CCHCR1: variants seen among roughly 807,000 people sequenced by gnomAD.
The protein encoded by CCHCR1 is HCR (a-helix coiled-coil rod homologue).
CCHCR1 carries 91 observed loss-of-function variants against 114.6 expected under a neutral mutation model. The observed-to-expected ratio is 0.79, with a 90% CI of 0.67 to 0.94. The LOEUF is 0.94. Among genes scored for constraint, CCHCR1 ranks in the 40% least tolerant of loss-of-function variants. CCHCR1 has a pLI of 0.00. For missense variants in CCHCR1, 899 were observed against 1,079.9 expected (o/e 0.83, Z 2.35); for synonymous variants, 379 against 428.5 (o/e 0.88, Z 1.43).
At position 31,151,608 on chromosome 6, in the gene CCHCR1, C is replaced by T. The variant is rs1359587097; in HGVS notation, c.802-486G>A. 6.6e-6 allele frequency among the ~76,000 whole-genome samples: 1 copy of T among 152,228 alleles called. No homozygotes were observed. The highest frequency in any genetic ancestry group is 1.5e-5 in the Non-Finnish European group (1 of 68,044). On this transcript the variant is annotated intron_variant, in intron 4 of 17. Coordinates refer to ENST00000396268, the MANE Select transcript of CCHCR1 (RefSeq NM_001105564.2). The surrounding 1 kb of genome is among the most constrained non-coding windows in gnomAD (Gnocchi z 4.1). ...TTGCTCCACAGACCCCAGGCGATAG[C>T]CCCTCCTCAGGGTGGCTTCACTGGG...
Position 31,154,354 on chromosome 6 carries a change from G to A in CCHCR1, c.801+142C>T, listed in dbSNP as rs919830143. On this transcript the variant is annotated intron_variant, in intron 4 of 17. Coordinates refer to ENST00000396268, the MANE Select transcript of CCHCR1 (RefSeq NM_001105564.2). This position sits in a 1 kb window ranked among gnomAD's most constrained non-coding sequence, Gnocchi z 4.1. ...CAAATTCTCCATCTTTCTAGGCCATGTGTGTTTATTTTCACCAAAGGTCTC... is the reference window on the plus strand; with the variant it reads ...CAAATTCTCCATCTTTCTAGGCCATATGTGTTTATTTTCACCAAAGGTCTC... The A allele has an allele frequency of 2.3e-5, 16 of 688,776 alleles. No individual in the cohort carries two copies. Among genetic ancestry groups the A allele is most frequent in the Non-Finnish European group, 3.5e-5 (14 of 399,648 alleles). The allele number at this position is 688,776 out of a possible 1,614,324, so 42.7% of individuals were successfully genotyped here.
rs144885162 is a variant in CCHCR1, at chr6:31,154,787, C to T, written c.510G>A (p.Leu170=). Reference sequence around the variant, plus strand: ...GCTGGCTCAGGGCCTGTGACCCCTCCAGCCCCCAGGACCTTCAAAGACAGG... The same window carrying T: ...GCTGGCTCAGGGCCTGTGACCCCTCTAGCCCCCAGGACCTTCAAAGACAGG... The part of the protein sequence containing the change: ...EPGRRGRSWG[L]EGSQALSQQA... Residue 170 remains leucine (L), a synonymous_variant, in exon 4 of 18, where the codon CTG becomes CTA. Coordinates refer to ENST00000396268, the MANE Select transcript of CCHCR1 (RefSeq NM_001105564.2). This position sits in a 1 kb window ranked among gnomAD's most constrained non-coding sequence, Gnocchi z 4.1. The T allele has an allele frequency of 6.2e-7, 1 of 1,603,238 alleles. No individual in the cohort carries two copies. Among genetic ancestry groups the T allele is most frequent in the Non-Finnish European group, 8.5e-7 (1 of 1,179,340 alleles).
intron 17 of CCHCR1, 52 bp downstream of exon 17, chr6:31,142,911 A>G (rs1689592638): frequency 6.4e-7 from 1 of 1,572,010 alleles, no homozygotes; most frequent in Non-Finnish European, 8.7e-7. Flanking sequence ...TGAAGAGGAG[A>G]TTCCTGAAGT....
rs980540511 is a variant in CCHCR1, at chr6:31,157,677, A to T, written c.-77T>A. 25 of 1,159,426 alleles carry T rather than the reference A, an allele frequency of 2.2e-5. No homozygotes were observed. The highest frequency in any genetic ancestry group is 3.1e-5 in the Non-Finnish European group (25 of 810,546). The allele number at this position is 1,159,426 out of a possible 1,614,324, so 71.8% of individuals were successfully genotyped here. On this transcript the variant is annotated 5_prime_UTR_variant, in exon 1 of 18. The change abolishes an upstream ATG in the 5' untranslated region. Coordinates refer to ENST00000396268, the MANE Select transcript of CCHCR1 (RefSeq NM_001105564.2). ...CAGGCAGAAAAGCCAGCGTCCTGAC[A>T]TCTTATTCAAATCTTTCCTGCGGCT...
At chr6:31,155,988 G>A (rs1345532523) in intron 3 of CCHCR1, among the ~76,000 whole-genome samples, 4 of 152,174 alleles carry the variant, frequency 2.6e-5, no homozygotes, top group African/African-American at 9.7e-5. Flanking sequence ...TGTTGCCCAC[G>A]CTGGTCATGA....
rs778489484 is a variant in CCHCR1, at chr6:31,151,163, C to T, written c.802-41G>A. Reference sequence around the variant, plus strand: ...GGGGCTCAGCAGAGGCTCGACCCCACATGGAGGCCTTCCTTGTTCCCTTCA... The same window carrying T: ...GGGGCTCAGCAGAGGCTCGACCCCATATGGAGGCCTTCCTTGTTCCCTTCA... On this transcript the variant is annotated intron_variant, in intron 4 of 17. Transcript: ENST00000396268. The surrounding 1 kb of genome is among the most constrained non-coding windows in gnomAD (Gnocchi z 4.1). The T allele has an allele frequency of 6.3e-7, 1 of 1,584,510 alleles. No individual in the cohort carries two copies. The highest frequency in any genetic ancestry group is 8.6e-7 in the Non-Finnish European group (1 of 1,167,378).
In CCHCR1 at chr6:31,150,697, G is replaced by A. The variant is rs975763864; in HGVS notation, c.1101+28C>T. 1.9e-6 allele frequency: 3 copies of A among 1,608,382 alleles called. No individual in the cohort carries two copies. The highest frequency in any genetic ancestry group is 2.5e-6 in the Non-Finnish European group (3 of 1,177,478). On this transcript the variant is annotated intron_variant, in intron 6 of 17. Transcript: ENST00000396268. This position sits in a 1 kb window ranked among gnomAD's most constrained non-coding sequence, Gnocchi z 5.3. ...GCCTCCCAACCTGATCCCTAAGTCTGCACACAGATACATTCCTGCACCCTC... is the reference window on the plus strand; with the variant it reads ...GCCTCCCAACCTGATCCCTAAGTCTACACACAGATACATTCCTGCACCCTC...
Position 31,150,777 on chromosome 6 carries a change from A to T in CCHCR1, c.1049T>A (p.Val350Asp), listed in dbSNP as rs776098272. The change falls in exon 6 of 18, where the codon GTC becomes GAC. Residue 350 changes from valine to aspartate, a missense_variant. Val to Asp is a radical substitution (Grantham distance 152). Coordinates refer to ENST00000396268, the MANE Select transcript of CCHCR1 (RefSeq NM_001105564.2). The surrounding 1 kb of genome is among the most constrained non-coding windows in gnomAD (Gnocchi z 5.3). ...CTCCAGTTCCCATGTCTGGCTGTGGACCTCAGAAGGCACTTGTTCCCCAAC... is the reference window on the plus strand; with the variant it reads ...CTCCAGTTCCCATGTCTGGCTGTGGTCCTCAGAAGGCACTTGTTCCCCAAC... The part of the protein sequence containing the change: ...KYVGEQVPSE[V>D]HSQTWELERQ... 41 of 1,612,826 alleles carry T rather than the reference A, an allele frequency of 2.5e-5. No homozygotes were observed. The highest frequency in any genetic ancestry group is 3.3e-5 in the Non-Finnish European group (39 of 1,179,986).
chr6:31,147,399 C>CAAAAAAA (rs9278998), intron 10 of CCHCR1, among the ~76,000 whole-genome samples: 16 of 126,964 alleles, frequency 1.3e-4, no homozygotes, highest in East Asian at 2.5e-4. Context: ...GACTCTGTCT[C>CAAAAAAA]AAAAAAAAAA....
At position 31,150,105 on chromosome 6, in the gene CCHCR1, C is replaced by T; in HGVS notation, c.1323G>A (p.Glu441=). ...FALMVQLKAQ[E]LEHSDSVKQL... is the part of the protein sequence containing the mutation. ...GCTTAACAGAGTCACTGTGTTCCAG[C>T]TCCTGGGCCTTTAGCTGCACCATGA... The change falls in exon 8 of 18, where the codon GAG becomes GAA. Residue 441 remains glutamate, a synonymous_variant. Transcript: ENST00000396268. The surrounding 1 kb of genome is among the most constrained non-coding windows in gnomAD (Gnocchi z 5.3). 1.2e-6 allele frequency: 2 copies of T among 1,614,202 alleles called. No individual in the cohort carries two copies. Among genetic ancestry groups the T allele is most frequent in the South Asian group, 1.1e-5 (1 of 91,090 alleles).
chr6:31,149,516 T>C (rs1199064651), intron 8 of CCHCR1: 1 of 152,530 alleles, frequency 6.6e-6, no homozygotes, highest in Non-Finnish European at 1.5e-5. Flanking sequence ...CAGTTCACTG[T>C]GGCCTCGCCT....
At position 31,146,117 on chromosome 6, in the gene CCHCR1, G is replaced by A. The variant is rs11755349; in HGVS notation, c.1581-309C>T. Among the ~76,000 whole-genome samples, 1,348 of 152,180 alleles carry A rather than the reference G, an allele frequency of 8.9e-3. 10 individuals are homozygous for A. The highest frequency in any genetic ancestry group is 0.024 in the Middle Eastern group (7 of 294). On this transcript the variant is annotated intron_variant, in intron 10 of 17. Coordinates refer to ENST00000396268, the MANE Select transcript of CCHCR1 (RefSeq NM_001105564.2). Reference sequence around the variant, plus strand: ...TCCCAGCACTTTGGGAGGCCGAGGCGGGCGGATCACCTGAAGTCAGGAATT... The same window carrying A: ...TCCCAGCACTTTGGGAGGCCGAGGCAGGCGGATCACCTGAAGTCAGGAATT...
chr6:31,150,946 TCCG>T lies in CCHCR1; in HGVS notation c.965+10_965+12del, dbSNP rs1239898449. 1.2e-6 allele frequency: 2 copies of T among 1,612,088 alleles called. No homozygotes were observed. Among genetic ancestry groups the T allele is most frequent in the Admixed American group, 3.3e-5 (2 of 59,928 alleles). On this transcript the variant is annotated intron_variant, in intron 5 of 17. Coordinates refer to ENST00000396268, the MANE Select transcript of CCHCR1 (RefSeq NM_001105564.2). This position sits in a 1 kb window ranked among gnomAD's most constrained non-coding sequence, Gnocchi z 5.3. Reference sequence around the variant, plus strand: ...ACTAATTGCTGGGCTCCCGTCGGCGTCCGCCCACCTACCTCAGCTGCTTCCGAA... The same window carrying T: ...ACTAATTGCTGGGCTCCCGTCGGCGTCCCACCTACCTCAGCTGCTTCCGAA...
At position 31,148,657 on chromosome 6, in the gene CCHCR1, G is replaced by A. The variant is rs754923097; in HGVS notation, c.1434C>T (p.Asp478=). Residue 478 remains aspartate (D), a synonymous_variant, in exon 9 of 18, where the codon GAC becomes GAT. Coordinates refer to ENST00000396268, the MANE Select transcript of CCHCR1 (RefSeq NM_001105564.2). ...EQAILQRSLQ[D]KAAEVEVERM... is the part of the protein sequence containing the mutation. ...GCTCCACCTCCACCTCTGCGGCTTT[G>A]TCCTGCAGGGATCGCTGCAGGATGG... The A allele has an allele frequency of 5.6e-6, 9 of 1,612,828 alleles. No homozygotes were observed. The African/African-American group carries it at 1.1e-4, about 19-fold the overall frequency.
chr6:31,151,028 C>G lies in CCHCR1; in HGVS notation c.896G>C (p.Arg299Thr), dbSNP rs781045935. 6.2e-7 allele frequency: 1 copy of G among 1,613,112 alleles called. No individual in the cohort carries two copies. Among genetic ancestry groups the G allele is most frequent in the Non-Finnish European group, 8.5e-7 (1 of 1,180,044 alleles). Residue 299 changes from arginine (R) to threonine (T), a missense_variant, in exon 5 of 18, where the codon AGA becomes ACA. Physicochemically the swap from Arg to Thr is moderately conservative, Grantham distance 71 (BLOSUM62 -1). Transcript: ENST00000396268. This position sits in a 1 kb window ranked among gnomAD's most constrained non-coding sequence, Gnocchi z 4.1. ...LEKSLSSLET[R>T]RAGEAKELAE... ...CAGCTCCTTGGCTTCCCCTGCTCTTCTGGTTTCCAGACTACTCAGAGACTT... is the reference window on the plus strand; with the variant it reads ...CAGCTCCTTGGCTTCCCCTGCTCTTGTGGTTTCCAGACTACTCAGAGACTT...
intron 3 of CCHCR1, among the ~76,000 whole-genome samples, chr6:31,155,636 C>CT (rs1399488167): frequency 6.8e-6 from 1 of 146,128 alleles, no homozygotes; most frequent in East Asian, 2.0e-4. Context: ...GTTAGGTATA[C>CT]TTTATGAGGA....
Position 31,148,708 on chromosome 6 carries a change from T to C in CCHCR1, c.1383A>G (p.Lys461=). Reference sequence around the variant, plus strand: ...CCTGCTCCTGGCTCTGGGATGTCACTTTTTCCTGGAGTGAGGCCACCTGGG... The same window carrying C: ...CCTGCTCCTGGCTCTGGGATGTCACCTTTTCCTGGAGTGAGGCCACCTGGG... The part of the protein sequence containing the change: ...LKGQVASLQE[K]VTSQSQEQAI... Residue 461 remains lysine (K), a synonymous_variant, in exon 9 of 18, where the codon AAA becomes AAG. Transcript: ENST00000396268. 1 of 1,611,696 alleles carries C rather than the reference T, an allele frequency of 6.2e-7. No individual in the cohort carries two copies. The highest frequency in any genetic ancestry group is 2.2e-5 in the East Asian group (1 of 44,860).
chr6:31,145,633 G>T, intron 11 of CCHCR1, 63 bp downstream of exon 11: 2 of 1,463,372 alleles, frequency 1.4e-6, no homozygotes, highest in Non-Finnish European at 1.9e-6. Context: ...AGCTGGGTCA[G>T]GAAGAAGAAA....
Position 31,144,906 on chromosome 6 carries a change from G to A in CCHCR1, c.2044C>T (p.Gln682Ter), listed in dbSNP as rs1352895457. 1 of 1,613,328 alleles carries A rather than the reference G, an allele frequency of 6.2e-7. No homozygotes were observed. The highest frequency in any genetic ancestry group is 1.7e-5 in the Admixed American group (1 of 60,004). ...AASLRQELTQ[Q>*]QELYGQALQE... ...ACACCTTGCCCGTAGAGTTCCTGCT[G>A]CTGGGTCAGCTCCTGCCGCAGACTG... Residue 682 changes from glutamine to a stop codon, truncating the protein, a stop_gained, in exon 14 of 18, where the codon CAG becomes TAG. Transcript: ENST00000396268. LOFTEE classifies it high-confidence loss of function. This position sits in a 1 kb window ranked among gnomAD's most constrained non-coding sequence, Gnocchi z 4.6.
Sources: gnomAD v4.1 joint callset for allele counts (sites outside exome capture counted in the v4.1 genomes callset) on GRCh38, gnomAD v4.1.1 for gene constraint, Gnocchi (gnomAD v3.1) non-coding constraint, MANE v1.5 for transcripts, NCBI Gene and HGNC (gene_info 2026-07-23, HGNC 2026-07-21) for gene names.